COG3: variants seen among roughly 807,000 people sequenced by gnomAD.
COG3 encodes the protein conserved oligomeric Golgi complex subunit 3.
In COG3, 32 loss-of-function variants were observed where a neutral mutation model predicts 114.1. The observed-to-expected ratio is 0.28, with a 90% CI of 0.21 to 0.38. The LOEUF (loss-of-function observed/expected upper bound fraction) is 0.38, where lower values mean the gene tolerates loss of function less well. Among genes scored for constraint, COG3 ranks in the 10% least tolerant of loss-of-function variants. The probability of loss-of-function intolerance (pLI) is 1.00; values close to 1 mark genes in which losing one functional copy is unlikely to be tolerated. For missense variants in COG3, 813 were observed against 973.2 expected (o/e 0.84, Z 2.19); for synonymous variants, 352 against 365.7 (o/e 0.96, Z 0.43).
intron 1 of COG3, among the ~76,000 whole-genome samples, chr13:45,475,020 A>G (rs1247417707): frequency 4.6e-5 from 7 of 152,142 alleles, no homozygotes; most frequent in Non-Finnish European, 1.0e-4. Flanking sequence ...CTGTAGGTCT[A>G]ATATTGTCAA....
intron 7 of COG3, among the ~76,000 whole-genome samples, chr13:45,484,600 A>T (rs967482999): frequency 1.3e-5 from 2 of 149,870 alleles, no homozygotes; most frequent in Non-Finnish European, 3.0e-5. Flanking sequence ...TTATTTATTT[A>T]TTTATTTATT....
At chr13:45,511,887 C>T (rs368953911) in intron 16 of COG3, 33 bp downstream of exon 16, 4 of 1,519,822 alleles carry the variant, frequency 2.6e-6, no homozygotes, top group African/African-American at 1.4e-5. Context: ...ATCCTGTTTC[C>T]TGGTAAAATA....
rs535226697 is a variant in COG3, at chr13:45,527,780, G to A, written c.2231-2011G>A. ...GAAGACCGATTTAGTGATCCCTGAG[G>A]TGTGTTAGTAATGATAGAACCAGGG... On this transcript the variant is annotated intron_variant, in intron 20 of 22. Transcript: ENST00000349995. Among the ~76,000 whole-genome samples the A allele has an allele frequency of 2.0e-5, 3 of 152,274 alleles. No individual in the cohort carries two copies. The South Asian group carries it at 6.2e-4, about 32-fold the overall frequency.
chr13:45,526,076 ATTTTTTTTTTTTTTTTTT>A (rs386379016), intron 20 of COG3, among the ~76,000 whole-genome samples: 7 of 56,572 alleles, frequency 1.2e-4, no homozygotes, highest in African/African-American at 5.0e-4. Flanking sequence ...CAAAATTTTA[ATTTTTTTTTTTTTTTTTT>A]TTTTTTTTTT....
At chr13:45,470,104 T>C (rs1329465266) in intron 1 of COG3, among the ~76,000 whole-genome samples, 1 of 152,210 alleles carries the variant, frequency 6.6e-6, no homozygotes, top group Non-Finnish European at 1.5e-5. Context: ...TAAGAGTAAA[T>C]TCTGTCTTTT....
intron 7 of COG3, 77 bp downstream of exon 7, chr13:45,483,432 T>A: frequency 8.0e-7 from 1 of 1,249,280 alleles, no homozygotes; most frequent in South Asian, 1.8e-5. Flanking sequence ...AATCTTTGGC[T>A]GAGATTAGTA....
At chr13:45,492,115 TTG>T in intron 10 of COG3, 42 bp from the exon 11 acceptor site, 1 of 1,136,604 alleles carries the variant, frequency 8.8e-7, no homozygotes, top group Non-Finnish European at 1.3e-6. Flanking sequence ...ATCAGAAATG[TTG>T]TGTGTCTTTA....
intron 1 of COG3, among the ~76,000 whole-genome samples, chr13:45,472,548 T>C (rs1167965076): frequency 6.6e-6 from 1 of 152,188 alleles, no homozygotes; most frequent in Non-Finnish European, 1.5e-5. Flanking sequence ...CTGTTTTCTC[T>C]GTATGATTCA....
Position 45,479,011 on chromosome 13 carries a change from T to C in COG3, c.328T>C (p.Ser110Pro). ...ERIETAQQFF[S>P]WFAKLQTQMD... ...TAATACTCTGTTTTTCCAGTTTTTC[T>C]CATGGTTTGCAAAGCTGCAAACTCA... Residue 110 changes from serine to proline, a missense_variant, in exon 3 of 23, where the codon TCA becomes CCA. By Grantham distance (74) the Ser-to-Pro change is moderately conservative. Around this residue, in one of 2 missense-constraint regions of COG3, gnomAD observed 424 missense variants for 430.6 expected, o/e 0.98. Transcript: ENST00000349995. 1.9e-6 allele frequency: 3 copies of C among 1,610,458 alleles called. No homozygotes were observed. The South Asian group carries it at 3.3e-5, about 18-fold the overall frequency.
chr13:45,533,532 G>A (rs1230559987), intron 22 of COG3, among the ~76,000 whole-genome samples: 1 of 152,088 alleles, frequency 6.6e-6, no homozygotes, highest in African/African-American at 2.4e-5. Context: ...GTGTATTCCT[G>A]AGAACAAGGA....
At chr13:45,494,217 C>T (rs772867210) in intron 12 of COG3, among the ~76,000 whole-genome samples, 22 of 151,064 alleles carry the variant, frequency 1.5e-4, no homozygotes, top group Admixed American at 1.1e-3. Flanking sequence ...CTCAACTACT[C>T]GGGAGGCTTA....
In COG3 at chr13:45,535,923, A is replaced by G; in HGVS notation, c.*1192A>G. ...TTCAAACACTAGTCTAGAGGTGGAC[A>G]TTGTCAGGGGTTCTGGAATGGGACC... is the stretch of plus-strand genomic sequence containing the variant. On this transcript the variant is annotated 3_prime_UTR_variant, in exon 23 of 23. Coordinates refer to ENST00000349995, the MANE Select transcript of COG3 (RefSeq NM_031431.4). 1 of 978,192 alleles carries G rather than the reference A, an allele frequency of 1.0e-6. No homozygotes were observed. Among genetic ancestry groups the G allele is most frequent in the Non-Finnish European group, 1.2e-6 (1 of 821,562 alleles). 60.6% of individuals were successfully genotyped at this position (978,192 alleles called of 1,614,324 possible).
intron 15 of COG3, among the ~76,000 whole-genome samples, chr13:45,510,936 A>G (rs1197248135): frequency 6.6e-6 from 1 of 152,240 alleles, no homozygotes; most frequent in Non-Finnish European, 1.5e-5. Flanking sequence ...AAACCACAGA[A>G]CAGGGAGAAG....
chr13:45,469,975 A>G (rs1885371182), intron 1 of COG3, among the ~76,000 whole-genome samples: 1 of 152,228 alleles, frequency 6.6e-6, no homozygotes, highest in Non-Finnish European at 1.5e-5. Flanking sequence ...GGCTTAAAGA[A>G]GAAGAATTGG....
chr13:45,506,941 G>A (rs934725022), intron 14 of COG3, among the ~76,000 whole-genome samples: 2 of 152,194 alleles, frequency 1.3e-5, no homozygotes, highest in Non-Finnish European at 2.9e-5. Context: ...GCTTTGTTCT[G>A]TATGTAGAGC....
intron 12 of COG3, among the ~76,000 whole-genome samples, chr13:45,494,945 A>G (rs1401365048): frequency 6.9e-6 from 1 of 144,166 alleles, no homozygotes; most frequent in African/African-American, 2.6e-5. Flanking sequence ...TGCCGGGTTC[A>G]AGTGATTCTC....
chr13:45,507,547 C>G (rs1290850960), intron 14 of COG3, among the ~76,000 whole-genome samples: 1 of 150,610 alleles, frequency 6.6e-6, no homozygotes, highest in South Asian at 2.1e-4. Context: ...GGCAGATCAC[C>G]CACGGTCAGG....
chr13:45,469,612 A>G (rs1885348350), intron 1 of COG3, among the ~76,000 whole-genome samples: 2 of 152,336 alleles, frequency 1.3e-5, no homozygotes, highest in East Asian at 1.9e-4. Flanking sequence ...TAGAGTTACT[A>G]ATTTCTTTAT....
intron 19 of COG3, among the ~76,000 whole-genome samples, chr13:45,522,702 G>A (rs1872290420): frequency 6.6e-6 from 1 of 152,182 alleles, no homozygotes; most frequent in South Asian, 2.1e-4. Flanking sequence ...TAACCTCTAA[G>A]TATTTGGCCT....
Sources: gnomAD v4.1 joint callset for allele counts (sites outside exome capture counted in the v4.1 genomes callset) on GRCh38, gnomAD v4.1.1 for gene constraint, gnomAD v4.1.1 regional missense constraint, MANE v1.5 for transcripts, NCBI Gene and HGNC (gene_info 2026-07-23, HGNC 2026-07-21) for gene names.